Variants in DNAJB4 observed in about 807,000 individuals in gnomAD.
The protein encoded by DNAJB4 is dnaJ homolog subfamily B member 4.
DNAJB4 carries 10 observed loss-of-function variants against 26.6 expected under a neutral mutation model. The ratio of observed to expected loss-of-function variants is 0.38; its 90% CI spans 0.23 to 0.64. DNAJB4 has a LOEUF of 0.64. Among genes scored for constraint, DNAJB4 ranks in the 30% least tolerant of loss-of-function variants. The probability of loss-of-function intolerance (pLI) is 0.58; values close to 1 mark genes in which losing one functional copy is unlikely to be tolerated. For synonymous variants in DNAJB4, 136 were observed against 134.8 expected (o/e 1.01, Z -0.06); for missense variants, 328 against 408.2 (o/e 0.80, Z 1.69).
At position 78,016,172 on chromosome 1, in the gene DNAJB4, A is replaced by C. The variant is rs2102617948; in HGVS notation, c.939A>C (p.Glu313Asp). 1 of 1,614,174 alleles carries C rather than the reference A, an allele frequency of 6.2e-7. No homozygotes were observed. The highest frequency in any genetic ancestry group is 8.5e-7 in the Non-Finnish European group (1 of 1,180,028). Residue 313 changes from glutamate (E) to aspartate (D), a missense_variant, in exon 3 of 3, where the codon GAA becomes GAC. By Grantham distance (45) the Glu-to-Asp change is conservative. Transcript: ENST00000370763. ...NPDQRGDLLI[E>D]FEVSFPDTIS... ...ACCAACGTGGTGACCTTCTAATAGA[A>C]TTTGAGGTGTCCTTCCCAGATACTA...
At chr1:77,992,602 A>T (rs1270493402) in intron 1 of DNAJB4, among the ~76,000 whole-genome samples, 4 of 152,114 alleles carry the variant, frequency 2.6e-5, no homozygotes, top group Non-Finnish European at 2.9e-5. Flanking sequence ...AACACATGCC[A>T]CCCTTTTTGA....
intron 1 of DNAJB4, among the ~76,000 whole-genome samples, chr1:77,988,568 C>T (rs1157007613): frequency 6.6e-6 from 1 of 152,152 alleles, no homozygotes; most frequent in Non-Finnish European, 1.5e-5. Context: ...CCTTGCATTC[C>T]CTCACTTCTA....
At chr1:78,010,942 T>C (rs1660455476) in intron 1 of DNAJB4, among the ~76,000 whole-genome samples, 1 of 152,232 alleles carries the variant, frequency 6.6e-6, no homozygotes, top group African/African-American at 2.4e-5. Context: ...CAGCCCTGTA[T>C]GCATGAGCAG....
chr1:78,007,808 C>A (rs1317592783), intron 1 of DNAJB4, among the ~76,000 whole-genome samples: 1 of 152,064 alleles, frequency 6.6e-6, no homozygotes, highest in Non-Finnish European at 1.5e-5. Context: ...TAGGTGTCTC[C>A]AGTAGTAACA....
At chr1:77,987,302 C>T (rs916828241) in intron 1 of DNAJB4, among the ~76,000 whole-genome samples, 1 of 152,200 alleles carries the variant, frequency 6.6e-6, no homozygotes, top group Non-Finnish European at 1.5e-5. Context: ...GGATCTCTGT[C>T]GCCCAAACTG....
At chr1:77,985,520 G>T (rs1020703487) in intron 1 of DNAJB4, among the ~76,000 whole-genome samples, 1 of 152,036 alleles carries the variant, frequency 6.6e-6, no homozygotes, top group South Asian at 2.1e-4. Context: ...TTATCTAATT[G>T]TAGCAATAAT....
chr1:77,986,754 A>G (rs1416970587), intron 1 of DNAJB4, among the ~76,000 whole-genome samples: 1 of 152,242 alleles, frequency 6.6e-6, no homozygotes, highest in Non-Finnish European at 1.5e-5. Context: ...TTTGACCACA[A>G]GTAATGAAAA....
intron 1 of DNAJB4, among the ~76,000 whole-genome samples, chr1:78,010,061 A>G (rs1660428920): frequency 6.6e-6 from 1 of 152,236 alleles, no homozygotes; most frequent in Non-Finnish European, 1.5e-5. Context: ...CAGACTTTGT[A>G]TGAATCTTCT....
rs145620690 is a variant in DNAJB4, at chr1:78,005,164, A to C, written c.54A>C (p.Glu18Asp). ...ILGIEKGASD[E>D]DIKKAYRKQA... ...GAATTGAGAAAGGAGCTTCAGATGA[A>C]GATATTAAAAAGGCTTACCGAAAAC... The change falls in exon 1 of 3, where the codon GAA becomes GAC. Residue 18 changes from glutamate to aspartate, a missense_variant. Physicochemically the swap from Glu to Asp is conservative, Grantham distance 45. Transcript: ENST00000370763. The C allele has an allele frequency of 9.3e-6, 15 of 1,614,076 alleles. No homozygotes were observed. The highest frequency in any genetic ancestry group is 1.3e-5 in the Non-Finnish European group (15 of 1,180,016).
chr1:77,999,430 G>T (rs1454275593), intron 1 of DNAJB4, among the ~76,000 whole-genome samples: 1 of 145,138 alleles, frequency 6.9e-6, no homozygotes, highest in Non-Finnish European at 1.5e-5. Flanking sequence ...CATAGAACAG[G>T]TTTTTTTTTT....
chr1:77,994,583 C>CTT lies in DNAJB4; in HGVS notation c.-31-10483_-31-10482dup, dbSNP rs5775435. ...GTGTACTCCTTAAACTACTCTCTCT[C>CTT]TTTTTTTTTTTTTTTAACTACTCTC... On this transcript the variant is annotated intron_variant, in intron 1 of 2. Coordinates refer to the DNAJB4 transcript ENST00000426517. Among the ~76,000 whole-genome samples, 7 of 142,130 alleles carry CTT rather than the reference C, an allele frequency of 4.9e-5. No homozygotes were observed. In the South Asian group the frequency reaches 1.6e-3, roughly 32 times the overall value. The allele number at this position is 142,130 out of a possible 152,430, so 93.2% of individuals were successfully genotyped here. A position where few individuals can be genotyped will look rare whatever the true frequency, so the allele number is the denominator to read the frequency against.
chr1:78,014,688 C>T (rs2102616116), intron 2 of DNAJB4, among the ~76,000 whole-genome samples: 1 of 152,136 alleles, frequency 6.6e-6, no homozygotes, highest in South Asian at 2.1e-4. Flanking sequence ...GCAGCCTCCA[C>T]CTCCCAGGTT....
intron 1 of DNAJB4, among the ~76,000 whole-genome samples, chr1:78,008,511 A>G (rs931862214): frequency 6.6e-6 from 1 of 152,198 alleles, no homozygotes; most frequent in African/African-American, 2.4e-5. Context: ...GTATGATTTT[A>G]TTTATGTGAA....
chr1:77,998,522 A>C (rs1660116731), intron 1 of DNAJB4, among the ~76,000 whole-genome samples: 1 of 152,172 alleles, frequency 6.6e-6, no homozygotes, highest in South Asian at 2.1e-4. Context: ...CTTGTAACGT[A>C]GATAAGGTAA....
chr1:77,979,283 G>T (rs930047610), upstream of DNAJB4: 2 of 428,594 alleles, frequency 4.7e-6, no homozygotes, highest in Non-Finnish European at 8.5e-6. Flanking sequence ...TCCTCTCCGC[G>T]CGTTCTTGGG....
chr1:78,007,939 A>G (rs1396188066), intron 1 of DNAJB4, among the ~76,000 whole-genome samples: 1 of 152,224 alleles, frequency 6.6e-6, no homozygotes, highest in Non-Finnish European at 1.5e-5. Flanking sequence ...AAGGAACCAT[A>G]AACTGAAAAG....
chr1:78,002,309 T>C (rs1660211706), upstream of DNAJB4, among the ~76,000 whole-genome samples: 1 of 152,176 alleles, frequency 6.6e-6, no homozygotes, highest in Non-Finnish European at 1.5e-5. Flanking sequence ...GCCGCATTCA[T>C]ATCATACAAA....
At chr1:77,979,956 C>G (rs1462522552), upstream of DNAJB4, among the ~76,000 whole-genome samples, 2 of 152,064 alleles carry the variant, frequency 1.3e-5, no homozygotes, top group African/African-American at 4.8e-5. Context: ...GGTCTCGGCT[C>G]ACTGCATCCT....
Position 77,993,051 on chromosome 1 carries a change from A to G in DNAJB4, c.-31-12029A>G, listed in dbSNP as rs909865930. 2.6e-5 allele frequency among the ~76,000 whole-genome samples: 4 copies of G among 152,252 alleles called. No homozygotes were observed. In the Middle Eastern group the frequency reaches 0.01, roughly 388 times the overall value. ...TTTCTGAGTGTTTATTGTAAAAACT[A>G]TAGTTTTTAAAGTTTGCCAGATGCA... is the stretch of plus-strand genomic sequence containing the variant. On this transcript the variant is annotated intron_variant, in intron 1 of 2. Coordinates refer to the DNAJB4 transcript ENST00000426517.
Sources: gnomAD v4.1 joint callset for allele counts (sites outside exome capture counted in the v4.1 genomes callset) on GRCh38, gnomAD v4.1.1 for gene constraint, MANE v1.5 for transcripts, NCBI Gene and HGNC (gene_info 2026-07-23, HGNC 2026-07-21) for gene names.